HMBOX1: variants seen among roughly 807,000 people sequenced by gnomAD.
HMBOX1 encodes the protein homeobox-containing protein 1.
A neutral mutation model predicts 54.5 loss-of-function variants in HMBOX1; 14 were observed. The ratio of observed to expected loss-of-function variants is 0.26; its 90% CI spans 0.17 to 0.40. HMBOX1 has a LOEUF of 0.40. HMBOX1 is among the 10% of genes least tolerant of loss of function. HMBOX1 has a pLI of 1.00. For missense variants in HMBOX1, 332 were observed against 514.4 expected (o/e 0.65, Z 3.43); for synonymous variants, 160 against 181.0 (o/e 0.88, Z 0.93).
intron 2 of HMBOX1, among the ~76,000 whole-genome samples, chr8:28,969,555 T>C (rs553468221): frequency 7.2e-5 from 11 of 152,248 alleles, no homozygotes; most frequent in African/African-American, 1.2e-4. Context: ...TCATTTGTTC[T>C]CACTAAATGA....
chr8:28,913,830 C>T (rs1815961542), intron 1 of HMBOX1, among the ~76,000 whole-genome samples: 1 of 149,558 alleles, frequency 6.7e-6, no homozygotes, highest in African/African-American at 2.5e-5. Context: ...TCACTGCAGC[C>T]TCCACCTCCT....
intron 1 of HMBOX1, among the ~76,000 whole-genome samples, chr8:28,932,223 G>T (rs776663231): frequency 2.0e-5 from 3 of 152,248 alleles, no homozygotes; most frequent in Non-Finnish European, 2.9e-5. Context: ...CTAGGGAATG[G>T]TGAGTGAAGG....
chr8:28,921,929 A>G (rs756814167), intron 1 of HMBOX1, among the ~76,000 whole-genome samples: 2 of 152,370 alleles, frequency 1.3e-5, no homozygotes, highest in East Asian at 3.9e-4. Flanking sequence ...AAATGAGTAC[A>G]TAAGAAGCTA....
At position 28,890,608 on chromosome 8, in the gene HMBOX1, C is replaced by CT. The variant is rs978970977; in HGVS notation, c.-127dup. On this transcript the variant is annotated 5_prime_UTR_variant, in exon 1 of 10. Coordinates refer to ENST00000287701, the MANE Select transcript of HMBOX1 (RefSeq NM_001135726.3). ...CCCTCCCGCCTTCCCTCCTCCCTAT[C>CT]TCAGCCCTTCGTACTGGGACGTTGG... is the stretch of plus-strand genomic sequence containing the variant. 6.5e-6 allele frequency: 1 copy of CT among 153,044 alleles called. No individual in the cohort carries two copies. The highest frequency in any genetic ancestry group is 2.4e-5 in the African/African-American group (1 of 41,464). The allele number at this position is 153,044 out of a possible 1,614,324, so 9.5% of individuals were successfully genotyped here. A position where few individuals can be genotyped will look rare whatever the true frequency, so the allele number is the denominator to read the frequency against.
chr8:28,974,106 G>A lies in HMBOX1; in HGVS notation c.500+3587G>A, dbSNP rs185170330. Among the ~76,000 whole-genome samples the A allele has an allele frequency of 2.3e-3, 347 of 152,066 alleles. 1 individual carries two copies. Among genetic ancestry groups the A allele is most frequent in the African/African-American group, 7.8e-3 (324 of 41,468 alleles). The stretch of plus-strand genomic sequence containing the variant: ...TGGGATTACAGGCATGAGCCACTGT[G>A]CCCAGCTCATAATGGAGATTTTTTT... On this transcript the variant is annotated intron_variant, in intron 3 of 9. Coordinates refer to ENST00000287701, the MANE Select transcript of HMBOX1 (RefSeq NM_001135726.3).
chr8:28,920,897 A>G (rs758177579), intron 1 of HMBOX1, among the ~76,000 whole-genome samples: 19 of 152,252 alleles, frequency 1.2e-4, no homozygotes, highest in Non-Finnish European at 2.5e-4. Context: ...TTAAAGAATA[A>G]CATACTCTAA....
chr8:29,010,306 T>C (rs1408946677), intron 5 of HMBOX1: 7 of 310,408 alleles, frequency 2.3e-5, no homozygotes, highest in African/African-American at 1.6e-4. Flanking sequence ...ACGCCTGTAA[T>C]CCCAACACTT....
chr8:28,945,113 G>T (rs1290407215), intron 1 of HMBOX1, among the ~76,000 whole-genome samples: 1 of 152,112 alleles, frequency 6.6e-6, no homozygotes, highest in South Asian at 2.1e-4. Context: ...TCCTTAAGAG[G>T]TTTCCCTAAA....
intron 1 of HMBOX1, among the ~76,000 whole-genome samples, chr8:28,896,541 G>C (rs1317434871): frequency 2.0e-5 from 3 of 148,854 alleles, no homozygotes; most frequent in African/African-American, 7.3e-5. Flanking sequence ...TTTGCCTTAT[G>C]TAATACAGTC....
At chr8:28,960,463 T>TA (rs1207979061) in intron 1 of HMBOX1, among the ~76,000 whole-genome samples, 9 of 151,634 alleles carry the variant, frequency 5.9e-5, no homozygotes, top group African/African-American at 2.2e-4. Context: ...GTAATGGACA[T>TA]AGGGAAAAAA....
chr8:28,933,709 A>G (rs1459140343), intron 1 of HMBOX1, among the ~76,000 whole-genome samples: 2 of 152,250 alleles, frequency 1.3e-5, no homozygotes, highest in Admixed American at 6.5e-5. Context: ...ATAAATGGTC[A>G]GATTTCTTGA....
In HMBOX1 at chr8:28,960,765, C is replaced by CTTTTTTTTTTTTTTTTTT. The variant is rs1162477676; in HGVS notation, c.-57-3024_-57-3007dup. Among the ~76,000 whole-genome samples the CTTTTTTTTTTTTTTTTTT allele has an allele frequency of 2.2e-3, 36 of 16,216 alleles. 4 individuals are homozygous for CTTTTTTTTTTTTTTTTTT. Among genetic ancestry groups the CTTTTTTTTTTTTTTTTTT allele is most frequent in the Non-Finnish European group, 3.2e-3 (24 of 7,518 alleles). The allele number at this position is 16,216 out of a possible 152,430, so 10.6% of individuals were successfully genotyped here. A position where few individuals can be genotyped will look rare whatever the true frequency, so the allele number is the denominator to read the frequency against. ...TTATTCTCTTTTTCTTTTTCTTTTT[C>CTTTTTTTTTTTTTTTTTT]TTTTTTTTTTTTTTTTTTTTTTTTT... On this transcript the variant is annotated intron_variant, in intron 1 of 9. Transcript: ENST00000287701.
rs753149122 is a variant in HMBOX1 at position 29,045,355 on chromosome 8, C to T, written c.852-6C>T. ...AACTTTGTGTCTGTATCGGTTGCCT[C>T]TGCAGTTACTTCAATGAGAATCAAT... On this transcript the variant is annotated splice_region_variant and splice_polypyrimidine_tract_variant and intron_variant, in intron 6 of 9. Transcript: ENST00000287701. The T allele has an allele frequency of 3.1e-6, 5 of 1,612,666 alleles. No individual in the cohort carries two copies. Among genetic ancestry groups the T allele is most frequent in the Non-Finnish European group, 4.2e-6 (5 of 1,178,650 alleles).
intron 5 of HMBOX1, among the ~76,000 whole-genome samples, chr8:29,013,283 G>T (rs759288175): frequency 1.3e-5 from 2 of 152,228 alleles, no homozygotes; most frequent in East Asian, 3.9e-4. Context: ...TTACAGGCAC[G>T]TGCCGCCACG....
At chr8:28,934,453 G>T (rs1820031985) in intron 1 of HMBOX1, among the ~76,000 whole-genome samples, 1 of 152,040 alleles carries the variant, frequency 6.6e-6, no homozygotes, top group South Asian at 2.1e-4. Context: ...ATATACTATA[G>T]CTCCTCACCA....
chr8:28,949,062 A>G (rs1056576255), intron 1 of HMBOX1, among the ~76,000 whole-genome samples: 2 of 152,214 alleles, frequency 1.3e-5, no homozygotes, highest in South Asian at 2.1e-4. Flanking sequence ...ATTTTTTAAC[A>G]TGAAAATATT....
At chr8:29,022,501 G>T (rs1212232546) in intron 6 of HMBOX1, among the ~76,000 whole-genome samples, 1 of 152,090 alleles carries the variant, frequency 6.6e-6, no homozygotes, top group African/African-American at 2.4e-5. Flanking sequence ...TCAAAATACA[G>T]AAGATGACCT....
intron 4 of HMBOX1, among the ~76,000 whole-genome samples, chr8:28,983,359 C>T (rs1024421523): frequency 6.6e-6 from 1 of 152,156 alleles, no homozygotes; most frequent in African/African-American, 2.4e-5. Flanking sequence ...AGAATTCTGC[C>T]CAGTTGGATG....
intron 1 of HMBOX1, among the ~76,000 whole-genome samples, chr8:28,892,368 T>A (rs889490833): frequency 6.6e-6 from 1 of 152,198 alleles, no homozygotes; most frequent in Admixed American, 6.5e-5. Flanking sequence ...TTCTCACAGT[T>A]TTTAATATTT....
Sources: gnomAD v4.1 joint callset for allele counts (sites outside exome capture counted in the v4.1 genomes callset) on GRCh38, gnomAD v4.1.1 for gene constraint, MANE v1.5 for transcripts, NCBI Gene and HGNC (gene_info 2026-07-23, HGNC 2026-07-21) for gene names.